The following ADCY5 variants were observed in gnomAD, a reference collection of about 807,000 sequenced individuals.
ADCY5 encodes adenylate cyclase 5.
In ADCY5, 30 loss-of-function variants were observed where a neutral mutation model predicts 119.7. The observed-to-expected ratio is 0.25, with a 90% CI of 0.19 to 0.34. ADCY5 has a LOEUF of 0.34. Among genes scored for constraint, ADCY5 ranks in the 10% least tolerant of loss-of-function variants. ADCY5 has a pLI of 1.00. For synonymous variants in ADCY5, 753 were observed against 762.2 expected (o/e 0.99, Z 0.20); for missense variants, 1,324 against 1,775.2 (o/e 0.75, Z 4.57).
At chr3:123,398,032 G>A (rs76945160) in intron 1 of ADCY5, among the ~76,000 whole-genome samples, 2,630 of 152,262 alleles carry the variant, frequency 0.017, 75 homozygotes, top group African/African-American at 0.06. Flanking sequence ...AAAGCTGCTC[G>A]CGGGTGTCTT....
intron 7 of ADCY5, among the ~76,000 whole-genome samples, chr3:123,326,081 G>A (rs1361716781): frequency 1.3e-5 from 2 of 152,216 alleles, no homozygotes. Context: ...AGGGGGTACC[G>A]GAGGGAGAGG....
rs766539908 is a variant in ADCY5 at position 123,286,736 on chromosome 3, G to A, written c.3606C>T (p.Thr1202=). The change falls in exon 20 of 21, where the codon ACC becomes ACT. Residue 1202 remains threonine (T), a synonymous_variant. Transcript: ENST00000462833. The surrounding 1 kb of genome is among the most constrained non-coding windows in gnomAD (Gnocchi z 4.2). ...TGTCCATGCGGCTGGCCACGTTCAC[G>A]GTATTGCCCCAGATGTCGTACTGAG... ...RKPQYDIWGN[T]VNVASRMDST... is the part of the protein sequence containing the mutation. The A allele has an allele frequency of 5.6e-6, 9 of 1,613,542 alleles. No individual in the cohort carries two copies. The highest frequency in any genetic ancestry group is 4.0e-5 in the African/African-American group (3 of 74,886).
chr3:123,365,070 A>G lies in ADCY5; in HGVS notation c.1135-12489T>C, dbSNP rs974688812. ...TGTGTCAGCCTCCCGAGTAGCTGGG[A>G]TTACAGGCGCCCACCACCATGCCTA... On this transcript the variant is annotated intron_variant, in intron 1 of 20. Coordinates refer to ENST00000462833, the MANE Select transcript of ADCY5 (RefSeq NM_183357.3). Among the ~76,000 whole-genome samples, 19 of 151,870 alleles carry G rather than the reference A, an allele frequency of 1.3e-4. 1 individual carries two copies. Among genetic ancestry groups the G allele is most frequent in the African/African-American group, 4.6e-4 (19 of 41,386 alleles).
At chr3:123,408,125 G>C (rs17295346) in intron 1 of ADCY5, among the ~76,000 whole-genome samples, 35,705 of 151,920 alleles carry the variant, frequency 0.24, 4,632 homozygotes, top group Middle Eastern at 0.35. Flanking sequence ...CTGGACCTAC[G>C]GTGAAAAATC....
chr3:123,446,770 T>C (rs536170295), intron 1 of ADCY5, among the ~76,000 whole-genome samples: 3 of 151,922 alleles, frequency 2.0e-5, no homozygotes, highest in Admixed American at 6.5e-5. Flanking sequence ...GGAAGGGGAA[T>C]TGCCACCACA....
chr3:123,373,098 G>A (rs569524071), intron 1 of ADCY5, among the ~76,000 whole-genome samples: 1 of 152,302 alleles, frequency 6.6e-6, no homozygotes, highest in East Asian at 1.9e-4. Context: ...CTAGGCTGGG[G>A]CCAAGTCTCA....
At position 123,373,706 on chromosome 3, in the gene ADCY5, T is replaced by C. The variant is rs1943714448; in HGVS notation, c.1135-21125A>G. On this transcript the variant is annotated intron_variant, in intron 1 of 20. Transcript: ENST00000462833. ...CTCACGAGGCTGGGCCCGGCTTTCA[T>C]CACCGACACTTGCTGAGCTGTGGAA... Among the ~76,000 whole-genome samples, 5 of 145,558 alleles carry C rather than the reference T, an allele frequency of 3.4e-5. No homozygotes were observed. The South Asian group carries it at 1.1e-3, about 32-fold the overall frequency.
chr3:123,290,091 C>T (rs367721508), intron 18 of ADCY5, 137 bp from the exon 19 acceptor site: 1 of 848,752 alleles, frequency 1.2e-6, no homozygotes, highest in Non-Finnish European at 1.9e-6. Flanking sequence ...GGCCTGTCTC[C>T]ATCCTCATCA....
chr3:123,327,360 T>G (rs750160593), intron 7 of ADCY5, among the ~76,000 whole-genome samples: 1 of 152,216 alleles, frequency 6.6e-6, no homozygotes, highest in Admixed American at 6.5e-5. Context: ...ATTTCCAGCT[T>G]GTGGACTTCT....
Position 123,396,372 on chromosome 3 carries a change from A to AGGAAGGAAGGAG in ADCY5, c.1135-43792_1135-43791insCTCCTTCCTTCC, listed in dbSNP as rs1242530350. ...AAGAGAGAGAAGGGAGGGAGGAAGA[A>AGGAAGGAAGGAG]GGAAGGAAGGGAGGGAAAGAGAGAA... On this transcript the variant is annotated intron_variant, in intron 1 of 20. Transcript: ENST00000462833. Among the ~76,000 whole-genome samples, 378 of 136,690 alleles carry AGGAAGGAAGGAG rather than the reference A, an allele frequency of 2.8e-3. 4 individuals carry two copies. The highest frequency in any genetic ancestry group is 0.01 in the African/African-American group (372 of 36,944). 89.7% of individuals were successfully genotyped at this position (136,690 alleles called of 152,430 possible). A position where few individuals can be genotyped will look rare whatever the true frequency, so the allele number is the denominator to read the frequency against.
intron 1 of ADCY5, among the ~76,000 whole-genome samples, chr3:123,405,823 T>C (rs187071314): frequency 6.6e-6 from 1 of 152,154 alleles, no homozygotes; most frequent in East Asian, 1.9e-4. Context: ...TTAGTAGAGA[T>C]GGGGTTTCAC....
intron 1 of ADCY5, among the ~76,000 whole-genome samples, chr3:123,430,503 C>A (rs889447511): frequency 6.6e-6 from 1 of 152,130 alleles, no homozygotes; most frequent in Non-Finnish European, 1.5e-5. Context: ...GCCCCACAGG[C>A]GTCAGGTGGG....
At chr3:123,324,407 CACACACACACACACACACACACA>C (rs1941372159) in intron 8 of ADCY5, among the ~76,000 whole-genome samples, 3 of 586 alleles carry the variant, frequency 5.1e-3, no homozygotes, top group African/African-American at 0.042. Context: ...ACAGAAACCA[CACACACACACACACACACACACA>C]CACACACACA....
intron 1 of ADCY5, among the ~76,000 whole-genome samples, chr3:123,376,156 C>G (rs1232740836): frequency 2.0e-5 from 3 of 151,828 alleles, no homozygotes; most frequent in Admixed American, 6.6e-5. Flanking sequence ...GTTTGGGGGC[C>G]CACAGAATTG....
chr3:123,313,190 A>G (rs1940689174), intron 12 of ADCY5, among the ~76,000 whole-genome samples: 2 of 152,170 alleles, frequency 1.3e-5, no homozygotes, highest in African/African-American at 4.8e-5. Context: ...ACACCAGGTG[A>G]TTCCTAAGGT....
At chr3:123,330,857 A>C (rs1198145807) in intron 5 of ADCY5, 32 bp downstream of exon 5, 1 of 1,592,708 alleles carries the variant, frequency 6.3e-7, no homozygotes, top group Non-Finnish European at 8.6e-7. Flanking sequence ...AGTCCCAGGG[A>C]GGGAGACGGT....
chr3:123,327,422 C>A (rs562111233), intron 7 of ADCY5, among the ~76,000 whole-genome samples, 196 bp downstream of exon 7: 2 of 152,206 alleles, frequency 1.3e-5, no homozygotes, highest in African/African-American at 4.8e-5. Context: ...GCAAAAGAAG[C>A]ACTATTAAAA....
chr3:123,346,607 T>TCTCTCTCTCTCTCTCTCTCTCTCTCTCTC (rs1316376575), intron 3 of ADCY5, among the ~76,000 whole-genome samples: 1 of 128,072 alleles, frequency 7.8e-6, no homozygotes, highest in Non-Finnish European at 1.8e-5. Flanking sequence ...CAGCCTCACC[T>TCTCTCTCTCTCTCTCTCTCTCTCTCTCTC]TCTCTCTCTC....
Position 123,328,783 on chromosome 3 carries a change from C to G in ADCY5, c.1666G>C (p.Gly556Arg). ...EAISLVREVT[G>R]VNVNMRVGIH... ...CCCACACGCATGTTCACGTTCACCC[C>G]TGTCACCTCCCGGACCAACCTGGGG... is the stretch of plus-strand genomic sequence containing the variant. The change falls in exon 6 of 21, where the codon GGG (glycine) becomes CGG (arginine). Residue 556 changes from glycine (G) to arginine (R), a missense_variant. Around this residue, in one of 6 missense-constraint regions of ADCY5, gnomAD observed 123 missense variants for 287.9 expected, o/e 0.43. Coordinates refer to ENST00000462833, the MANE Select transcript of ADCY5 (RefSeq NM_183357.3). 5 of 1,614,210 alleles carry G rather than the reference C, an allele frequency of 3.1e-6. No homozygotes were observed. The highest frequency in any genetic ancestry group is 4.2e-6 in the Non-Finnish European group (5 of 1,180,022).
Sources: allele counts gnomAD v4.1 joint callset (sites outside exome capture counted in the v4.1 genomes callset), GRCh38; gene constraint gnomAD v4.1.1; regional missense constraint gnomAD v4.1.1; non-coding constraint Gnocchi (gnomAD v3.1); transcripts MANE v1.5; gene names NCBI Gene and HGNC (gene_info 2026-07-23, HGNC 2026-07-21).